Variants in DOCK1 observed in about 807,000 individuals in gnomAD.
DOCK1 encodes dedicator of cytokinesis 1, also known as dedicator of cytokinesis protein 1.
A neutral mutation model predicts 262.7 loss-of-function variants in DOCK1; 138 were observed. That is an observed-to-expected ratio of 0.53 (90% confidence interval 0.46 to 0.61). The LOEUF is 0.61. Ranked by LOEUF, DOCK1 falls within the 20% of genes least tolerant of loss-of-function variation. The pLI is 0.00. For missense variants in DOCK1, 1,908 were observed against 2,370.7 expected, an observed-to-expected ratio of 0.80 and a Z score of 4.05; for synonymous variants, 866 against 867.4, an observed-to-expected ratio of 1.00 and a Z score of 0.03.
chr10:127,143,624 C>G (rs191745564), intron 27 of DOCK1, among the ~76,000 whole-genome samples: 169 of 152,318 alleles, frequency 1.1e-3, no homozygotes, highest in Admixed American at 2.6e-3. Context: ...CAATTTATGT[C>G]AACTGACATT....
intron 25 of DOCK1, among the ~76,000 whole-genome samples, chr10:127,113,211 C>A: frequency 6.6e-6 from 1 of 152,220 alleles, no homozygotes; most frequent in South Asian, 2.1e-4. Flanking sequence ...GTCAAATGAA[C>A]TCTCTTTGTG....
intron 23 of DOCK1, among the ~76,000 whole-genome samples, chr10:127,093,821 A>G (rs2047736587): frequency 6.6e-6 from 1 of 152,176 alleles, no homozygotes; most frequent in Non-Finnish European, 1.5e-5. Context: ...GAGACTCGGT[A>G]AAATACCTGA....
At chr10:127,308,925 C>A (rs2061968341) in intron 29 of DOCK1, among the ~76,000 whole-genome samples, 2 of 152,144 alleles carry the variant, frequency 1.3e-5, no homozygotes, top group South Asian at 2.1e-4. Context: ...GCAGTAGAAT[C>A]ATTTATATTC....
At chr10:127,374,901 C>T (rs1383222546) in intron 35 of DOCK1, among the ~76,000 whole-genome samples, 1 of 152,200 alleles carries the variant, frequency 6.6e-6, no homozygotes, top group African/African-American at 2.4e-5. Flanking sequence ...CTACTCACAC[C>T]TTGATTTCAG....
chr10:127,426,315 A>G (rs543426879), intron 47 of DOCK1, among the ~76,000 whole-genome samples: 60 of 152,240 alleles, frequency 3.9e-4, no homozygotes, highest in Middle Eastern at 3.4e-3. Flanking sequence ...GAGAAATCTC[A>G]CAGCGCCCAG....
chr10:126,984,717 T>C (rs528550321), intron 4 of DOCK1, among the ~76,000 whole-genome samples: 1 of 152,172 alleles, frequency 6.6e-6, no homozygotes, highest in African/African-American at 2.4e-5. Context: ...GTATTTATGG[T>C]GTGCAACATG....
intron 27 of DOCK1, among the ~76,000 whole-genome samples, chr10:127,160,113 T>C (rs1171442791): frequency 2.0e-5 from 3 of 150,022 alleles, no homozygotes; most frequent in East Asian, 3.9e-4. Context: ...AAAACATGAA[T>C]TGTTTGGTTA....
chr10:126,964,676 CAG>C (rs1357073311), intron 1 of DOCK1, among the ~76,000 whole-genome samples: 3 of 152,218 alleles, frequency 2.0e-5, no homozygotes, highest in Admixed American at 1.3e-4. Context: ...GTGTGTGAGA[CAG>C]AGAGTGACTG....
chr10:127,173,496 T>C (rs988589073), intron 27 of DOCK1, among the ~76,000 whole-genome samples: 3 of 152,202 alleles, frequency 2.0e-5, no homozygotes, highest in Admixed American at 1.3e-4. Flanking sequence ...CTTGTGTTCG[T>C]GGGTGTTCAG....
At chr10:127,428,610 G>T (rs1224182825) in intron 47 of DOCK1, among the ~76,000 whole-genome samples, 1 of 150,734 alleles carries the variant, frequency 6.6e-6, no homozygotes, top group Non-Finnish European at 1.5e-5. Context: ...CATGTGGATT[G>T]TGCCATGTGG....
At chr10:127,354,821 A>C (rs1253103188) in intron 32 of DOCK1, 94 bp downstream of exon 32, 1 of 1,458,220 alleles carries the variant, frequency 6.9e-7, no homozygotes, top group Non-Finnish European at 9.5e-7. Context: ...ATGTCTTAAG[A>C]TCTTAATGGC....
chr10:127,076,290 A>AGC (rs2046536615), intron 23 of DOCK1, among the ~76,000 whole-genome samples: 1 of 152,226 alleles, frequency 6.6e-6, no homozygotes, highest in Non-Finnish European at 1.5e-5. Flanking sequence ...TCACAAGGTC[A>AGC]GTAGATCAAG....
intron 1 of DOCK1, among the ~76,000 whole-genome samples, chr10:126,909,849 T>C (rs933815805): frequency 8.5e-5 from 13 of 152,226 alleles, no homozygotes; most frequent in African/African-American, 3.1e-4. Context: ...AGAAACATAG[T>C]GACAAGTGAC....
At chr10:127,209,829 C>A (rs1015232742) in intron 27 of DOCK1, among the ~76,000 whole-genome samples, 10 of 152,194 alleles carry the variant, frequency 6.6e-5, no homozygotes. Flanking sequence ...GTTATAAATG[C>A]ATGTGCTCAC....
chr10:127,033,163 C>T (rs2043358726), intron 18 of DOCK1, among the ~76,000 whole-genome samples: 1 of 151,908 alleles, frequency 6.6e-6, no homozygotes, highest in African/African-American at 2.4e-5. Context: ...TTCTCAGCTA[C>T]TCTCTGAGAT....
At chr10:127,404,762 G>A (rs750173918) in intron 40 of DOCK1, among the ~76,000 whole-genome samples, 5 of 148,738 alleles carry the variant, frequency 3.4e-5, no homozygotes, top group African/African-American at 7.5e-5. Flanking sequence ...ATACAGTCAC[G>A]TTGTTGTGCG....
intron 38 of DOCK1, chr10:127,402,611 A>AT (rs769583765): frequency 2.0e-6 from 1 of 506,614 alleles, no homozygotes; most frequent in Non-Finnish European, 4.0e-6. Context: ...TCGACATAGC[A>AT]TTTTTTAGGT....
chr10:127,409,946 G>A (rs1234503645), intron 42 of DOCK1, among the ~76,000 whole-genome samples: 1 of 152,192 alleles, frequency 6.6e-6, no homozygotes. Flanking sequence ...GAGATTTTCT[G>A]CCTGTCAGTT....
In DOCK1 at chr10:126,966,961, C is replaced by A. The variant is rs1367702398; in HGVS notation, c.47-3741C>A. 2.6e-5 allele frequency among the ~76,000 whole-genome samples: 4 copies of A among 152,152 alleles called. No homozygotes were observed. The East Asian group carries it at 7.7e-4, about 29-fold the overall frequency. On this transcript the variant is annotated intron_variant, in intron 1 of 51. Transcript: ENST00000623213. ...ATGTGGACCTGAAGATGCTCATTGG[C>A]AGCCAGGCCATTATAAAATGAAGAT...
Sources: gnomAD v4.1 joint callset for allele counts (sites outside exome capture counted in the v4.1 genomes callset) on GRCh38, gnomAD v4.1.1 for gene constraint, MANE v1.5 for transcripts, NCBI Gene and HGNC (gene_info 2026-07-23, HGNC 2026-07-21) for gene names.